Variants in LCOR observed in about 807,000 individuals in gnomAD.
LCOR encodes ligand-dependent corepressor.
A neutral mutation model predicts 64.4 loss-of-function variants in LCOR; 14 were observed. The ratio of observed to expected loss-of-function variants is 0.22; its 90% confidence interval spans 0.14 to 0.34. The LOEUF (loss-of-function observed/expected upper bound fraction) is 0.34. LCOR is among the 10% of genes least tolerant of loss of function. The pLI, the probability that LCOR is intolerant of heterozygous loss-of-function variation, is 1.00. For synonymous variants in LCOR, 643 were observed against 642.5 expected, an observed-to-expected ratio of 1.00 and a Z score of -0.01; for missense variants, 1,686 against 1,765.3, an observed-to-expected ratio of 0.96 and a Z score of 0.80.
chr10:96,953,097 TCCC>T (rs1428094962), intron 7 of LCOR, among the ~76,000 whole-genome samples: 1 of 152,146 alleles, frequency 6.6e-6, no homozygotes, highest in Non-Finnish European at 1.5e-5. Flanking sequence ...TTCTAAAATC[TCCC>T]TTTATTTTCT....
At chr10:96,866,469 A>G (rs891485455) in intron 2 of LCOR, among the ~76,000 whole-genome samples, 3 of 152,194 alleles carry the variant, frequency 2.0e-5, no homozygotes, top group African/African-American at 7.2e-5. Context: ...ACATTTTTGT[A>G]CAAGTCTTTT....
Position 96,981,504 on chromosome 10 carries a change from A to G in LCOR, c.1044A>G (p.Ser348=), listed in dbSNP as rs771211882. ...IPQRNLFKAL[S]EEAWNSGFMG... The stretch of plus-strand genomic sequence containing the variant: ...AAAGAAATTTGTTCAAAGCTTTATC[A>G]GAAGAGGCTTGGAACTCAGGGTTTA... The change falls in exon 8 of 8, where the codon TCA becomes TCG. Residue 348 remains serine, a synonymous_variant. Transcript: ENST00000421806. The G allele has an allele frequency of 5.1e-5, 83 of 1,614,132 alleles. No homozygotes were observed. The highest frequency in any genetic ancestry group is 6.7e-5 in the Non-Finnish European group (79 of 1,180,042).
chr10:96,913,902 GA>G (rs112962978), intron 4 of LCOR, among the ~76,000 whole-genome samples: 6,990 of 138,724 alleles, frequency 0.05, 499 homozygotes, highest in African/African-American at 0.16. Flanking sequence ...AGACTGTCTG[GA>G]AAAAAAAAAA....
chr10:96,983,722 G>T lies in LCOR; in HGVS notation c.3262G>T (p.Val1088Phe). ...ESGDPLDEDDVDTVVDEQPKF... is the reference protein window; with the variant it reads ...ESGDPLDEDDFDTVVDEQPKF... ...TGGAGACCCCCTAGATGAGGACGAT[G>T]TTGACACCGTGGTAGATGAACAGCC... is the stretch of plus-strand genomic sequence containing the variant. The change falls in exon 8 of 8, where the codon GTT (valine) becomes TTT (phenylalanine). Residue 1088 changes from valine (V) to phenylalanine (F), a missense_variant. By Grantham distance (50) the Val-to-Phe change is conservative. Coordinates refer to ENST00000421806, the MANE Select transcript of LCOR (RefSeq NM_001346516.2). The surrounding 1 kb of genome is among the most constrained non-coding windows in gnomAD (Gnocchi z 4.5). 6.2e-7 allele frequency: 1 copy of T among 1,614,200 alleles called. No homozygotes were observed. The highest frequency in any genetic ancestry group is 8.5e-7 in the Non-Finnish European group (1 of 1,180,026).
At chr10:96,963,906 C>G (rs1024026957) in intron 7 of LCOR, 1 of 152,136 alleles carries the variant, frequency 6.6e-6, no homozygotes, top group Non-Finnish European at 1.5e-5. Context: ...TCTAGAAGTT[C>G]AAGTGTCATA....
At chr10:96,926,036 A>G (rs1234824021) in intron 4 of LCOR, among the ~76,000 whole-genome samples, 1 of 152,120 alleles carries the variant, frequency 6.6e-6, no homozygotes, top group Non-Finnish European at 1.5e-5. Context: ...CAGGCTTTTT[A>G]TGAGCACCTC....
intron 4 of LCOR, among the ~76,000 whole-genome samples, chr10:96,913,872 C>T (rs1846889741): frequency 6.6e-6 from 1 of 150,592 alleles, no homozygotes; most frequent in South Asian, 2.1e-4. Flanking sequence ...GAGCCGAGAT[C>T]ATGCCTGGGC....
chr10:96,916,512 G>T, intron 4 of LCOR, among the ~76,000 whole-genome samples: 1 of 150,042 alleles, frequency 6.7e-6, no homozygotes, highest in Admixed American at 6.7e-5. Flanking sequence ...TGATATAAAA[G>T]GAACTATGGA....
chr10:96,981,996 G>T lies in LCOR; in HGVS notation c.1536G>T (p.Glu512Asp). 4 of 1,614,002 alleles carry T rather than the reference G, an allele frequency of 2.5e-6. No individual in the cohort carries two copies. The highest frequency in any genetic ancestry group is 3.4e-6 in the Non-Finnish European group (4 of 1,180,026). Residue 512 changes from glutamate (E) to aspartate (D), a missense_variant, in exon 8 of 8, where the codon GAG (glutamate) becomes GAT (aspartate). Physicochemically the swap from Glu to Asp is conservative, Grantham distance 45. Coordinates refer to ENST00000421806, the MANE Select transcript of LCOR (RefSeq NM_001346516.2). ...RGYFFNGDCC[E>D]LPTVRTLARN... ...ACTTTTTCAATGGTGACTGTTGTGA[G>T]CTGCCAACTGTTCGTACACTGGCCA...
At chr10:96,942,294 C>T in intron 4 of LCOR, among the ~76,000 whole-genome samples, 1 of 151,904 alleles carries the variant, frequency 6.6e-6, no homozygotes, top group Admixed American at 6.6e-5. Flanking sequence ...AAAACGAAAA[C>T]CAGTCAGGCG....
intron 7 of LCOR, among the ~76,000 whole-genome samples, chr10:96,972,871 A>T (rs1017349854): frequency 2.6e-5 from 4 of 152,174 alleles, no homozygotes; most frequent in Non-Finnish European, 5.9e-5. Context: ...AATGTGGTTA[A>T]GAACATGGTA....
At chr10:96,958,340 G>A (rs1847818255) in intron 7 of LCOR, 3 of 1,531,754 alleles carry the variant, frequency 2.0e-6, no homozygotes, top group Non-Finnish European at 1.8e-6. Flanking sequence ...GTTGAGTTAT[G>A]TAAATTTTGT....
rs766339334 is a variant in LCOR at position 96,982,878 on chromosome 10, TAAA to T, written c.2422_2424del (p.Lys808del). The T allele has an allele frequency of 4.3e-6, 7 of 1,613,808 alleles. No individual in the cohort carries two copies. The Admixed American group carries it at 5.0e-5, about 12-fold the overall frequency. ...AGAATTTGGACAAGAAGAAAAAAGG[TAAA>T]AAATTCCCTGAGGCCTCTGATAGGT... On this transcript the variant is annotated inframe_deletion, in exon 8 of 8. Coordinates refer to ENST00000421806, the MANE Select transcript of LCOR (RefSeq NM_001346516.2).
chr10:96,833,206 C>G (rs1338059960), intron 1 of LCOR, 200 bp from the exon 2 acceptor site: 5 of 983,904 alleles, frequency 5.1e-6, no homozygotes, highest in East Asian at 1.1e-4. Flanking sequence ...GGGTCGCTCT[C>G]GTCCCCTCCC....
At chr10:96,955,426 C>T (rs2134533848) in intron 7 of LCOR, 2 of 1,614,188 alleles carry the variant, frequency 1.2e-6, no homozygotes, top group African/African-American at 1.3e-5. Context: ...GAGTCTCGCA[C>T]TGGTGATCAG....
intron 4 of LCOR, chr10:96,915,512 T>G (rs377310119): frequency 2.2e-6 from 1 of 460,136 alleles, no homozygotes; most frequent in Non-Finnish European, 4.0e-6. Context: ...AGAGTGAGAC[T>G]CCGTCTCCTA....
chr10:96,880,238 C>T (rs1321749311), intron 2 of LCOR, among the ~76,000 whole-genome samples: 2 of 152,262 alleles, frequency 1.3e-5, no homozygotes, highest in Admixed American at 6.5e-5. Flanking sequence ...TTAGAGCTGT[C>T]AGTTTGAAAT....
chr10:96,930,041 A>C (rs1412656891), intron 4 of LCOR, among the ~76,000 whole-genome samples: 1 of 152,242 alleles, frequency 6.6e-6, no homozygotes. Flanking sequence ...CACCACTGTG[A>C]ATAGTAACCA....
At chr10:96,916,295 T>C (rs1333765888) in intron 4 of LCOR, among the ~76,000 whole-genome samples, 4 of 152,056 alleles carry the variant, frequency 2.6e-5, no homozygotes, top group African/African-American at 9.7e-5. Context: ...CCTCCCAAAG[T>C]GCTGGGATTA....
Sources: allele counts gnomAD v4.1 joint callset (sites outside exome capture counted in the v4.1 genomes callset), GRCh38; gene constraint gnomAD v4.1.1; non-coding constraint Gnocchi (gnomAD v3.1); transcripts MANE v1.5; gene names NCBI Gene and HGNC (gene_info 2026-07-23, HGNC 2026-07-21).